Variants in CSMD1 observed in about 807,000 individuals in gnomAD.
The protein encoded by CSMD1 is CUB and sushi domain-containing protein 1.
CSMD1 carries 213 observed loss-of-function variants against 417.5 expected under a neutral mutation model. The ratio of observed to expected loss-of-function variants is 0.51; its 90% CI spans 0.46 to 0.57. CSMD1 has a LOEUF of 0.57. Ranked by LOEUF, CSMD1 falls within the 20% of genes least tolerant of loss-of-function variation. CSMD1 has a pLI of 0.00. For synonymous variants in CSMD1, 2,862 were observed against 1,736.8 expected (o/e 1.65, Z -16.11); for missense variants, 6,923 against 4,529.7 (o/e 1.53, Z -15.17).
intron 1 of CSMD1, among the ~76,000 whole-genome samples, chr8:4,736,178 C>T (rs979939024): frequency 1.3e-5 from 2 of 152,206 alleles, no homozygotes; most frequent in South Asian, 4.1e-4. Context: ...ATATTAACTT[C>T]TTCTCTATGT....
At chr8:4,372,738 A>T (rs1802470472) in intron 3 of CSMD1, among the ~76,000 whole-genome samples, 1 of 126,444 alleles carries the variant, frequency 7.9e-6, no homozygotes, top group African/African-American at 3.6e-5. Context: ...TAGAAAATGG[A>T]GGCAAAAGAA....
At chr8:3,216,927 G>C (rs957792476) in intron 29 of CSMD1, among the ~76,000 whole-genome samples, 29 of 152,100 alleles carry the variant, frequency 1.9e-4, no homozygotes, top group African/African-American at 7.0e-4. Context: ...GCAATACAAT[G>C]ACATCACTGC....
intron 3 of CSMD1, among the ~76,000 whole-genome samples, chr8:4,413,409 C>A (rs1206584674): frequency 6.6e-6 from 1 of 152,152 alleles, no homozygotes; most frequent in Non-Finnish European, 1.5e-5. Flanking sequence ...GCTAGATTAG[C>A]TAAATTTGTT....
intron 2 of CSMD1, among the ~76,000 whole-genome samples, chr8:4,592,240 A>G (rs1800027276): frequency 1.3e-5 from 2 of 151,278 alleles, no homozygotes. Flanking sequence ...TATCTTATCT[A>G]GTTGCAGTAA....
intron 5 of CSMD1, among the ~76,000 whole-genome samples, chr8:3,780,712 A>T (rs572263833): frequency 6.6e-5 from 10 of 152,326 alleles, no homozygotes; most frequent in African/African-American, 2.4e-4. Context: ...CCTGGTGAGA[A>T]ATGCACAGAT....
At chr8:4,157,457 C>T (rs991244653) in intron 3 of CSMD1, among the ~76,000 whole-genome samples, 1 of 152,112 alleles carries the variant, frequency 6.6e-6, no homozygotes, top group Non-Finnish European at 1.5e-5. Flanking sequence ...CCTTCCCTCC[C>T]TCCTTCACTT....
chr8:4,529,637 G>A (rs1204465475), intron 2 of CSMD1, among the ~76,000 whole-genome samples: 3 of 152,048 alleles, frequency 2.0e-5, no homozygotes, highest in Non-Finnish European at 4.4e-5. Context: ...CCACAAAATT[G>A]CAACAGGATG....
At chr8:3,425,751 T>C (rs1392161572) in intron 12 of CSMD1, among the ~76,000 whole-genome samples, 1 of 152,166 alleles carries the variant, frequency 6.6e-6, no homozygotes, top group Non-Finnish European at 1.5e-5. Flanking sequence ...GATACCCTTT[T>C]TCTCTCTTTT....
At chr8:3,288,784 C>T (rs1206373417) in intron 25 of CSMD1, among the ~76,000 whole-genome samples, 1 of 146,490 alleles carries the variant, frequency 6.8e-6, no homozygotes, top group Non-Finnish European at 1.5e-5. Flanking sequence ...AAGGGTTTTT[C>T]TCTTTTTTAT....
Position 4,421,694 on chromosome 8 carries a change from G to C in CSMD1, c.303-1629C>G, listed in dbSNP as rs184396974. On this transcript the variant is annotated intron_variant, in intron 2 of 69. Coordinates refer to ENST00000635120, the MANE Select transcript of CSMD1 (RefSeq NM_033225.6). ...GTAAGACTCAGCTAAGCAGTGCTGA[G>C]AAGGTAATTAGTCGCACTAAAAACA... 2.4e-3 allele frequency among the ~76,000 whole-genome samples: 366 copies of C among 152,016 alleles called. 9 individuals are homozygous for C. In the Middle Eastern group the frequency reaches 0.037, roughly 16 times the overall value.
Position 3,240,775 on chromosome 8 carries a change from T to G in CSMD1, c.4154-10544A>C, listed in dbSNP as rs184689962. Among the ~76,000 whole-genome samples the G allele has an allele frequency of 2.4e-3, 361 of 152,166 alleles. 1 individual carries two copies. Among genetic ancestry groups the G allele is most frequent in the African/African-American group, 7.9e-3 (326 of 41,510 alleles). ...AGTATATGGGTTTGGCACCACTGGG[T>G]GGATAGGCAAAACAATCTGGTTGAT... is the stretch of plus-strand genomic sequence containing the variant. On this transcript the variant is annotated intron_variant, in intron 26 of 69. Coordinates refer to ENST00000635120, the MANE Select transcript of CSMD1 (RefSeq NM_033225.6).
chr8:3,302,712 G>T (rs758889871), intron 25 of CSMD1, among the ~76,000 whole-genome samples: 1 of 152,186 alleles, frequency 6.6e-6, no homozygotes, highest in Non-Finnish European at 1.5e-5. Context: ...CAGTGATGAT[G>T]ATGTGCCTCG....
chr8:4,983,130 T>C (rs2117441727), intron 1 of CSMD1, among the ~76,000 whole-genome samples: 1 of 152,238 alleles, frequency 6.6e-6, no homozygotes, highest in Non-Finnish European at 1.5e-5. Context: ...AGAAACACAA[T>C]TGAATCAAAT....
At chr8:4,598,335 C>G (rs928571433) in intron 2 of CSMD1, among the ~76,000 whole-genome samples, 1 of 152,136 alleles carries the variant, frequency 6.6e-6, no homozygotes, top group African/African-American at 2.4e-5. Context: ...GTCTAAACAG[C>G]TGAAAATGGT....
intron 52 of CSMD1, among the ~76,000 whole-genome samples, chr8:3,018,138 T>A (rs1350701288): frequency 6.6e-6 from 1 of 152,262 alleles, no homozygotes; most frequent in South Asian, 2.1e-4. Context: ...TTCATTGACA[T>A]AATTTTAAAA....
intron 23 of CSMD1, among the ~76,000 whole-genome samples, chr8:3,329,684 T>A (rs1235345373): frequency 6.6e-6 from 1 of 152,120 alleles, no homozygotes; most frequent in Non-Finnish European, 1.5e-5. Flanking sequence ...CAGAAAGAGT[T>A]GCCCAGCCCC....
intron 52 of CSMD1, among the ~76,000 whole-genome samples, chr8:3,005,251 C>G (rs1807784084): frequency 6.6e-6 from 1 of 152,178 alleles, no homozygotes; most frequent in African/African-American, 2.4e-5. Context: ...GAACGTCTTT[C>G]CTGAGTTACA....
intron 3 of CSMD1, among the ~76,000 whole-genome samples, chr8:4,057,787 G>C (rs1188503336): frequency 6.6e-6 from 1 of 152,106 alleles, no homozygotes; most frequent in South Asian, 2.1e-4. Context: ...TTAATAAATA[G>C]GGACTCCTTT....
chr8:4,066,748 C>G (rs1038818627), intron 3 of CSMD1, among the ~76,000 whole-genome samples: 33 of 152,010 alleles, frequency 2.2e-4, no homozygotes, highest in African/African-American at 8.0e-4. Context: ...AGATGCAATC[C>G]AAACCACAAG....
Sources: allele counts gnomAD v4.1 joint callset (sites outside exome capture counted in the v4.1 genomes callset), GRCh38; gene constraint gnomAD v4.1.1; transcripts MANE v1.5; gene names NCBI Gene and HGNC (gene_info 2026-07-23, HGNC 2026-07-21).